Variants in PEPD observed in about 807,000 individuals in gnomAD.
The protein encoded by PEPD is peptidase D.
In PEPD, 53 loss-of-function variants were observed where a neutral mutation model predicts 60.7. The observed-to-expected ratio is 0.87, with a 90% confidence interval of 0.70 to 1.10. The LOEUF (loss-of-function observed/expected upper bound fraction) is 1.10. Ranked by LOEUF, PEPD falls within the 50% of genes least tolerant of loss-of-function variation. The probability of loss-of-function intolerance (pLI) is 0.00; values close to 1 mark genes in which losing one functional copy is unlikely to be tolerated. For missense variants in PEPD, 711 were observed against 711.9 expected, an observed-to-expected ratio of 1.00 and a Z score of 0.01; for synonymous variants, 267 against 284.1, an observed-to-expected ratio of 0.94 and a Z score of 0.60.
chr19:33,492,271 T>C (rs1482696309), intron 5 of PEPD, among the ~76,000 whole-genome samples: 1 of 152,106 alleles, frequency 6.6e-6, no homozygotes, highest in Non-Finnish European at 1.5e-5. Context: ...AGGCCCTCGG[T>C]CAGTCACTGC....
chr19:33,517,194 A>T (rs1166048439), intron 1 of PEPD, among the ~76,000 whole-genome samples: 1 of 151,996 alleles, frequency 6.6e-6, no homozygotes, highest in East Asian at 1.9e-4. Context: ...TTTATGTAAC[A>T]TTTTGATACC....
chr19:33,424,087 C>T (rs913903399), intron 9 of PEPD, among the ~76,000 whole-genome samples: 21 of 152,202 alleles, frequency 1.4e-4, no homozygotes, highest in African/African-American at 4.8e-4. Context: ...TTGGGGGCTG[C>T]GCCTGTCACC....
At chr19:33,518,838 G>A (rs555357804) in intron 1 of PEPD, among the ~76,000 whole-genome samples, 3 of 152,262 alleles carry the variant, frequency 2.0e-5, no homozygotes, top group African/African-American at 7.2e-5. Context: ...GTACTGCTGG[G>A]GAGAAAACTG....
At chr19:33,445,127 G>A (rs1969568676) in intron 9 of PEPD, among the ~76,000 whole-genome samples, 1 of 152,190 alleles carries the variant, frequency 6.6e-6, no homozygotes. Context: ...ACAGAGGGTT[G>A]CTTCGAGGAT....
intron 1 of PEPD, among the ~76,000 whole-genome samples, chr19:33,516,021 T>C (rs1971016346): frequency 6.6e-6 from 1 of 152,062 alleles, no homozygotes; most frequent in Non-Finnish European, 1.5e-5. Context: ...CAACCATGCT[T>C]ATTTCTCCAT....
chr19:33,397,890 C>G (rs1042500263), intron 12 of PEPD, among the ~76,000 whole-genome samples: 3 of 152,194 alleles, frequency 2.0e-5, no homozygotes, highest in Admixed American at 1.3e-4. Context: ...GGCCTGGGGA[C>G]TTGCCCCGAG....
At chr19:33,459,382 C>T (rs1486651801) in intron 9 of PEPD, among the ~76,000 whole-genome samples, 2 of 152,166 alleles carry the variant, frequency 1.3e-5, no homozygotes, top group Admixed American at 6.5e-5. Flanking sequence ...GCTTACACAG[C>T]CAATGGAGCA....
chr19:33,493,214 CT>C (rs1429482651), intron 5 of PEPD, 75 bp downstream of exon 5: 1 of 1,052,290 alleles, frequency 9.5e-7, no homozygotes, highest in Non-Finnish European at 1.5e-6. Context: ...GGCCCGACCT[CT>C]GCAGGAGAGG....
intron 9 of PEPD, among the ~76,000 whole-genome samples, chr19:33,444,068 T>C (rs1315351667): frequency 6.6e-6 from 1 of 152,116 alleles, no homozygotes; most frequent in Non-Finnish European, 1.5e-5. Context: ...CGTTCGTACA[T>C]GGGTGCGCGC....
intron 12 of PEPD, among the ~76,000 whole-genome samples, chr19:33,393,311 G>A (rs918367229): frequency 3.3e-5 from 5 of 151,810 alleles, no homozygotes; most frequent in Admixed American, 6.5e-5. Flanking sequence ...GGGGTCTGGC[G>A]TGGGGGAGAG....
rs142284481 is a variant in PEPD at position 33,518,141 on chromosome 19, T to C, written c.17+3603A>G. Among the ~76,000 whole-genome samples, 485 of 151,948 alleles carry C rather than the reference T, an allele frequency of 3.2e-3. 2 individuals carry two copies. The highest frequency in any genetic ancestry group is 0.01 in the African/African-American group (432 of 41,420). ...ACCGTAAGCGCCAGGCTGGAGAGGG[T>C]TGCCACGGCGGAACAGGACCTCGAG... On this transcript the variant is annotated intron_variant, in intron 1 of 14. Coordinates refer to ENST00000244137, the MANE Select transcript of PEPD (RefSeq NM_000285.4).
intron 7 of PEPD, among the ~76,000 whole-genome samples, chr19:33,469,934 C>T (rs752774441): frequency 7.2e-5 from 11 of 152,030 alleles, no homozygotes; most frequent in South Asian, 2.1e-4. Flanking sequence ...GTTCCCTCTG[C>T]CTCTCCCTGC....
chr19:33,489,304 G>C (rs555634809), intron 6 of PEPD, among the ~76,000 whole-genome samples: 1 of 152,156 alleles, frequency 6.6e-6, no homozygotes, highest in African/African-American at 2.4e-5. Context: ...GCTGAGAGCC[G>C]GGTTGGAAGG....
intron 7 of PEPD, among the ~76,000 whole-genome samples, chr19:33,474,237 C>G (rs982676953): frequency 6.6e-6 from 1 of 152,192 alleles, no homozygotes; most frequent in African/African-American, 2.4e-5. Flanking sequence ...CACGGGTGCC[C>G]CCTCAGAGCT....
chr19:33,496,570 G>T (rs1277089563), intron 4 of PEPD, among the ~76,000 whole-genome samples: 1 of 152,188 alleles, frequency 6.6e-6, no homozygotes, highest in Non-Finnish European at 1.5e-5. Flanking sequence ...AAGGGAACAC[G>T]ACGCGCTGTG....
intron 9 of PEPD, among the ~76,000 whole-genome samples, chr19:33,454,069 G>A (rs1396569067): frequency 6.6e-6 from 1 of 152,094 alleles, no homozygotes; most frequent in Non-Finnish European, 1.5e-5. Context: ...AAAAGGAACC[G>A]GGCTCCTTAG....
chr19:33,434,232 G>A (rs1969330868), intron 9 of PEPD, among the ~76,000 whole-genome samples: 1 of 152,106 alleles, frequency 6.6e-6, no homozygotes, highest in South Asian at 2.1e-4. Context: ...GACACCCACA[G>A]TTTACCCACC....
At chr19:33,397,798 G>A (rs116365287) in intron 12 of PEPD, among the ~76,000 whole-genome samples, 1,917 of 152,298 alleles carry the variant, frequency 0.013, 45 homozygotes, top group African/African-American at 0.044. Flanking sequence ...CCTGAGGCCT[G>A]TGCCTGCCCC....
chr19:33,388,100 A>G lies in PEPD; in HGVS notation c.1153-19T>C. 1.3e-6 allele frequency: 2 copies of G among 1,542,892 alleles called. No individual in the cohort carries two copies. Among genetic ancestry groups the G allele is most frequent in the East Asian group, 4.9e-5 (2 of 40,896 alleles). Reference sequence around the variant, plus strand: ...CCACGCCCTGTGGGGAACAGAGGTGAGGGGCCTGATGAGCAGCTCCAGGGC... The same window carrying G: ...CCACGCCCTGTGGGGAACAGAGGTGGGGGGCCTGATGAGCAGCTCCAGGGC... On this transcript the variant is annotated intron_variant, in intron 13 of 14. Transcript: ENST00000244137.
Sources: allele counts gnomAD v4.1 joint callset (sites outside exome capture counted in the v4.1 genomes callset), GRCh38; gene constraint gnomAD v4.1.1; transcripts MANE v1.5; gene names NCBI Gene and HGNC (gene_info 2026-07-23, HGNC 2026-07-21).